The following DPH6 variants were observed in gnomAD, a reference collection of about 807,000 sequenced individuals.
The protein encoded by DPH6 is diphthine--ammonia ligase.
A neutral mutation model predicts 38.2 loss-of-function variants in DPH6; 33 were observed. The ratio of observed to expected loss-of-function variants is 0.86; its 90% CI spans 0.65 to 1.15. DPH6 has a LOEUF of 1.15. Ranked by LOEUF, DPH6 falls within the 50% of genes most tolerant of loss-of-function variation. DPH6 has a pLI of 0.00. For synonymous variants in DPH6, 108 were observed against 103.0 expected (o/e 1.05, Z -0.30); for missense variants, 325 against 320.0 (o/e 1.02, Z -0.12).
intron 3 of DPH6, among the ~76,000 whole-genome samples, chr15:35,528,651 TTAG>T (rs1199787333): frequency 6.6e-6 from 1 of 152,150 alleles, no homozygotes; most frequent in Non-Finnish European, 1.5e-5. Flanking sequence ...TTGTATTATA[TTAG>T]TAGTTCACCC....
rs111526508 is a variant in DPH6 at position 35,341,893 on chromosome 15, G to A, written n.208-10816C>T. Among the ~76,000 whole-genome samples, 371 of 152,328 alleles carry A rather than the reference G, an allele frequency of 2.4e-3. 1 individual carries two copies. Among genetic ancestry groups the A allele is most frequent in the African/African-American group, 8.3e-3 (346 of 41,584 alleles). ...AGCAGCCTGGCTGCTTTTTGGCAGA[G>A]CAGGTGTGCTGCACTGGGGGGCACC... On this transcript the variant is annotated intron_variant and non_coding_transcript_variant, in intron 3 of 3. Transcript: ENST00000558973.
intron 5 of DPH6, among the ~76,000 whole-genome samples, chr15:35,445,698 A>G (rs536750110): frequency 2.2e-4 from 33 of 152,344 alleles, no homozygotes; most frequent in African/African-American, 7.2e-4. Flanking sequence ...AAACACGCAC[A>G]TATCATTCAC....
chr15:35,152,186 AT>A, the DPH6 span, among the ~76,000 whole-genome samples: 24 of 152,306 alleles, frequency 1.6e-4, 1 homozygote, highest in African/African-American at 5.5e-4. Context: ...CTATGGTAAA[AT>A]TAGTTTTCTT....
At chr15:35,158,798 A>T in the DPH6 span, among the ~76,000 whole-genome samples, 1 of 152,074 alleles carries the variant, frequency 6.6e-6, no homozygotes, top group African/African-American at 2.4e-5. Flanking sequence ...AAAGAAAAAA[A>T]CAAAAGAACT....
intron 3 of DPH6, among the ~76,000 whole-genome samples, chr15:35,482,634 A>G (rs77452421): frequency 2.2e-4 from 33 of 152,342 alleles, no homozygotes; most frequent in African/African-American, 7.0e-4. Flanking sequence ...TTTTTCAACA[A>G]AAGTATAGAT....
the DPH6 span, among the ~76,000 whole-genome samples, chr15:35,171,504 A>G: frequency 6.6e-6 from 1 of 152,366 alleles, no homozygotes; most frequent in East Asian, 1.9e-4. Flanking sequence ...CTCTTAATTA[A>G]TAATTGTTGT....
chr15:35,367,151 A>G (rs2052668308), downstream of DPH6, among the ~76,000 whole-genome samples: 1 of 151,750 alleles, frequency 6.6e-6, no homozygotes, highest in Non-Finnish European at 1.5e-5. Flanking sequence ...GTCCCAGGAA[A>G]TTATTTCAAC....
chr15:35,228,323 C>G (rs889657933), intron 3 of DPH6, among the ~76,000 whole-genome samples: 1 of 152,186 alleles, frequency 6.6e-6, no homozygotes, highest in African/African-American at 2.4e-5. Flanking sequence ...TAGATTGGTT[C>G]ATTGTTTAGT....
chr15:35,279,084 T>TATATATATATAA (rs1440623243), intron 3 of DPH6, among the ~76,000 whole-genome samples: 5 of 143,312 alleles, frequency 3.5e-5, no homozygotes, highest in African/African-American at 1.3e-4. Context: ...TATATATATA[T>TATATATATATAA]AATTTTGGAG....
chr15:35,282,651 AC>A, intron 3 of DPH6: 1 of 421,434 alleles, frequency 2.4e-6, no homozygotes, highest in Non-Finnish European at 4.9e-6. Context: ...CAGCATTACT[AC>A]CAGTTATTTC....
chr15:35,353,295 T>C (rs1229382841), intron 3 of DPH6, among the ~76,000 whole-genome samples: 1 of 152,226 alleles, frequency 6.6e-6, no homozygotes, highest in African/African-American at 2.4e-5. Context: ...TAGATCCCAT[T>C]TGTCAATTTT....
intron 3 of DPH6, among the ~76,000 whole-genome samples, chr15:35,306,795 C>T (rs1201962946): frequency 6.6e-6 from 1 of 152,168 alleles, no homozygotes; most frequent in African/African-American, 2.4e-5. Flanking sequence ...TTTCCAGAAC[C>T]TGTAATTACC....
chr15:35,482,693 C>T (rs1406611355), intron 3 of DPH6, among the ~76,000 whole-genome samples: 1 of 152,072 alleles, frequency 6.6e-6, no homozygotes, highest in East Asian at 1.9e-4. Flanking sequence ...CCTTACCTCA[C>T]ACCACATACA....
At chr15:35,272,433 T>C (rs1484969411) in intron 3 of DPH6, among the ~76,000 whole-genome samples, 1 of 152,146 alleles carries the variant, frequency 6.6e-6, no homozygotes. Flanking sequence ...ATTATGTCCT[T>C]GCTGATATTG....
intron 5 of DPH6, among the ~76,000 whole-genome samples, chr15:35,420,538 AGACAGTCTCGCTCT>A (rs1287178909): frequency 6.6e-6 from 1 of 152,142 alleles, no homozygotes; most frequent in African/African-American, 2.4e-5. Context: ...TTTATTTTTT[AGACAGTCTCGCTCT>A]GTTGCCCGGG....
At chr15:35,404,823 C>T (rs1392615290) in intron 6 of DPH6, among the ~76,000 whole-genome samples, 1 of 152,132 alleles carries the variant, frequency 6.6e-6, no homozygotes, top group South Asian at 2.1e-4. Context: ...GGAGAAGTTC[C>T]CCAATGTGTT....
At chr15:35,516,087 CAA>C (rs1252843408) in intron 3 of DPH6, among the ~76,000 whole-genome samples, 1 of 152,100 alleles carries the variant, frequency 6.6e-6, no homozygotes, top group Non-Finnish European at 1.5e-5. Context: ...CTGAAATGCA[CAA>C]ACTTTGAGAT....
intron 3 of DPH6, among the ~76,000 whole-genome samples, chr15:35,316,070 G>T (rs1236226577): frequency 6.6e-6 from 1 of 152,038 alleles, no homozygotes; most frequent in East Asian, 1.9e-4. Context: ...AAGATAAATT[G>T]ATTAATAGGT....
the DPH6 span, among the ~76,000 whole-genome samples, chr15:35,163,474 C>T: frequency 1.3e-5 from 2 of 151,710 alleles, no homozygotes; most frequent in East Asian, 1.9e-4. Flanking sequence ...TCTGAAGAAA[C>T]GAACAGGACT....
Sources: allele counts gnomAD v4.1 joint callset (sites outside exome capture counted in the v4.1 genomes callset), GRCh38; gene constraint gnomAD v4.1.1; transcripts MANE v1.5; gene names NCBI Gene and HGNC (gene_info 2026-07-23, HGNC 2026-07-21).